The following CENPW variants were observed in gnomAD, a reference collection of about 807,000 sequenced individuals.
CENPW encodes the protein cancer-up-regulated gene 2 protein.
Under a neutral mutation model 11.1 loss-of-function variants are expected in CENPW, and 3 were observed. That is an observed-to-expected ratio of 0.27 (90% CI 0.12 to 0.70). The LOEUF (loss-of-function observed/expected upper bound fraction) is 0.70. CENPW is among the 30% of genes least tolerant of loss of function. The pLI is 0.77. For missense variants in CENPW, 100 were observed against 105.6 expected (o/e 0.95, Z 0.23); for synonymous variants, 38 against 42.0 (o/e 0.91, Z 0.37).
At chr6:126,415,250 G>T in the CENPW span, among the ~76,000 whole-genome samples, 2 of 151,782 alleles carry the variant, frequency 1.3e-5, no homozygotes, top group Non-Finnish European at 2.9e-5. Context: ...CTTGATTTTT[G>T]TTGTATATAT....
At chr6:126,361,686 C>G in the CENPW span, among the ~76,000 whole-genome samples, 1 of 152,292 alleles carries the variant, frequency 6.6e-6, no homozygotes, top group African/African-American at 2.4e-5. Flanking sequence ...TAGGGAATCC[C>G]CTTGGTCACT....
At chr6:126,414,472 A>G in the CENPW span, among the ~76,000 whole-genome samples, 1 of 152,156 alleles carries the variant, frequency 6.6e-6, no homozygotes, top group African/African-American at 2.4e-5. Flanking sequence ...GTATCAGTGA[A>G]CTAAAACTGA....
At chr6:126,409,472 A>G in the CENPW span, among the ~76,000 whole-genome samples, 1 of 151,996 alleles carries the variant, frequency 6.6e-6, no homozygotes, top group African/African-American at 2.4e-5. Context: ...TTCATTGTGG[A>G]TTTTGTTTCT....
the CENPW span, among the ~76,000 whole-genome samples, chr6:126,481,397 G>T: frequency 6.6e-6 from 1 of 151,996 alleles, no homozygotes; most frequent in Non-Finnish European, 1.5e-5. Context: ...ATAAAGAAAA[G>T]AGATTTATTT....
At chr6:126,458,300 A>G in the CENPW span, among the ~76,000 whole-genome samples, 1 of 151,300 alleles carries the variant, frequency 6.6e-6, no homozygotes, top group African/African-American at 2.4e-5. Flanking sequence ...AGGGGATCTT[A>G]CTGCTTTTAG....
At chr6:126,360,316 T>TAGC in the CENPW span, among the ~76,000 whole-genome samples, 4,284 of 152,272 alleles carry the variant, frequency 0.028, 80 homozygotes, top group Non-Finnish European at 0.041. Context: ...GGGGTTCCTT[T>TAGC]TGTATGTGGC....
chr6:126,473,720 ATCTCTCTCTC>A, the CENPW span, among the ~76,000 whole-genome samples: 11 of 142,630 alleles, frequency 7.7e-5, no homozygotes, highest in South Asian at 2.2e-4. Flanking sequence ...ACGAGAGTGA[ATCTCTCTCTC>A]TCTCTCTCTC....
At chr6:126,471,151 A>G in the CENPW span, among the ~76,000 whole-genome samples, 3 of 152,148 alleles carry the variant, frequency 2.0e-5, no homozygotes, top group South Asian at 2.1e-4. Context: ...CCCAAATCTT[A>G]TCTTGAATTG....
At chr6:126,452,647 G>A in the CENPW span, among the ~76,000 whole-genome samples, 1 of 150,674 alleles carries the variant, frequency 6.6e-6, no homozygotes, top group Non-Finnish European at 1.5e-5. Context: ...GTGGAGCAAT[G>A]ATAAAATATC....
At chr6:126,391,893 A>G in the CENPW span, among the ~76,000 whole-genome samples, 1 of 151,800 alleles carries the variant, frequency 6.6e-6, no homozygotes, top group Admixed American at 6.6e-5. Context: ...ATCATTTGAA[A>G]TCAGGTAATG....
chr6:126,463,312 T>C, the CENPW span, among the ~76,000 whole-genome samples: 2 of 152,024 alleles, frequency 1.3e-5, no homozygotes, highest in African/African-American at 2.4e-5. Context: ...TATCTTTTTA[T>C]TGATGAAATA....
chr6:126,418,003 C>G, the CENPW span, among the ~76,000 whole-genome samples: 1 of 152,126 alleles, frequency 6.6e-6, no homozygotes, highest in Non-Finnish European at 1.5e-5. Context: ...GAAAAATGTT[C>G]AACATTGTTA....
At chr6:126,464,610 G>C in the CENPW span, among the ~76,000 whole-genome samples, 2 of 152,286 alleles carry the variant, frequency 1.3e-5, no homozygotes, top group East Asian at 3.9e-4. Context: ...CAGACTCCAA[G>C]TTCTTGAACT....
chr6:126,423,465 T>G, the CENPW span, among the ~76,000 whole-genome samples: 3 of 152,112 alleles, frequency 2.0e-5, no homozygotes, highest in Non-Finnish European at 4.4e-5. Context: ...TTCAACAGCA[T>G]TTTTTAGGCA....
the CENPW span, among the ~76,000 whole-genome samples, chr6:126,431,051 T>G: frequency 2.0e-5 from 3 of 152,182 alleles, no homozygotes; most frequent in East Asian, 5.8e-4. Flanking sequence ...CCTACACACA[T>G]GCATACAGAC....
chr6:126,357,989 A>G, the CENPW span, among the ~76,000 whole-genome samples: 4 of 152,214 alleles, frequency 2.6e-5, no homozygotes, highest in East Asian at 7.7e-4. Context: ...CATAAATGGG[A>G]TTGTCTTCTT....
the CENPW span, among the ~76,000 whole-genome samples, chr6:126,423,672 C>T: frequency 2.6e-5 from 4 of 151,834 alleles, no homozygotes; most frequent in African/African-American, 9.7e-5. Context: ...GGGAATATAG[C>T]ATTTTCCAAT....
the CENPW span, among the ~76,000 whole-genome samples, chr6:126,442,880 C>T: frequency 6.6e-6 from 1 of 151,194 alleles, no homozygotes; most frequent in East Asian, 1.9e-4. Context: ...ATTTGTTAGA[C>T]TAGACCTCGT....
In CENPW at chr6:126,340,143, G is replaced by C. The variant is rs1028486958; in HGVS notation, c.-131G>C. 4 of 849,274 alleles carry C rather than the reference G, an allele frequency of 4.7e-6. No homozygotes were observed. The highest frequency in any genetic ancestry group is 7.6e-6 in the Non-Finnish European group (4 of 529,302). The allele number at this position is 849,274 out of a possible 1,614,324, so 52.6% of individuals were successfully genotyped here. Reference sequence around the variant, plus strand: ...CCGTTGGCGGCGGATTCGAACGTTCGGACTGAGGTTTTTCTGCCTGAAGAA... The same window carrying C: ...CCGTTGGCGGCGGATTCGAACGTTCCGACTGAGGTTTTTCTGCCTGAAGAA... On this transcript the variant is annotated 5_prime_UTR_variant, in exon 1 of 3. Transcript: ENST00000368328.
Sources: allele counts gnomAD v4.1 joint callset (sites outside exome capture counted in the v4.1 genomes callset), GRCh38; gene constraint gnomAD v4.1.1; transcripts MANE v1.5; gene names NCBI Gene and HGNC (gene_info 2026-07-23, HGNC 2026-07-21).